PCCB: variants seen among roughly 807,000 people sequenced by gnomAD.
The protein encoded by PCCB is propionyl-CoA carboxylase subunit beta.
Under a neutral mutation model 60.7 loss-of-function variants are expected in PCCB, and 43 were observed. The observed-to-expected ratio is 0.71, with a 90% CI of 0.55 to 0.91. The LOEUF is 0.91. Ranked by LOEUF, PCCB falls within the 40% of genes least tolerant of loss-of-function variation. The pLI is 0.00. For synonymous variants in PCCB, 276 were observed against 255.9 expected, an observed-to-expected ratio of 1.08 and a Z score of -0.75; for missense variants, 766 against 702.8, an observed-to-expected ratio of 1.09 and a Z score of -1.02.
intron 9 of PCCB, among the ~76,000 whole-genome samples, chr3:136,313,002 T>G (rs1215487925): frequency 1.3e-5 from 2 of 152,192 alleles, no homozygotes; most frequent in African/African-American, 2.4e-5. Flanking sequence ...ATTTTCAACT[T>G]CATACATAAT....
At chr3:136,271,889 A>G (rs1187574508) in intron 5 of PCCB, among the ~76,000 whole-genome samples, 1 of 152,176 alleles carries the variant, frequency 6.6e-6, no homozygotes, top group African/African-American at 2.4e-5. Flanking sequence ...TAGGACTTCC[A>G]GTACTATGTT....
rs1560002366 is a variant in PCCB at position 136,268,087 on chromosome 3, GATA to G, written c.543+6023_543+6025del. ...GTGCGTGTGTGTGTGTGTGTGTGTA[GATA>G]TATATATATATATATATATATATAT... On this transcript the variant is annotated intron_variant, in intron 5 of 14. Transcript: ENST00000251654. Among the ~76,000 whole-genome samples the G allele has an allele frequency of 9.1e-3, 857 of 93,774 alleles. 11 individuals carry two copies. The highest frequency in any genetic ancestry group is 0.026 in the South Asian group (84 of 3,274). 61.5% of individuals were successfully genotyped at this position (93,774 alleles called of 152,430 possible).
rs565851635 is a variant in PCCB at position 136,284,955 on chromosome 3, G to A, written c.654+1008G>A. Among the ~76,000 whole-genome samples the A allele has an allele frequency of 3.3e-5, 5 of 152,050 alleles. No homozygotes were observed. The South Asian group carries it at 1.0e-3, about 32-fold the overall frequency. On this transcript the variant is annotated intron_variant, in intron 6 of 14. Coordinates refer to ENST00000251654, the MANE Select transcript of PCCB (RefSeq NM_000532.5). ...ATACAAAAATTAGCTGGGCGTGGTGGTGCATACCTGTGGTCCCAGCTACTT... is the reference window on the plus strand; with the variant it reads ...ATACAAAAATTAGCTGGGCGTGGTGATGCATACCTGTGGTCCCAGCTACTT...
At chr3:136,327,565 C>T (rs866884406) in intron 12 of PCCB, 69 bp from the exon 13 acceptor site, 1 of 1,212,794 alleles carries the variant, frequency 8.2e-7, no homozygotes, top group East Asian at 2.3e-5. Flanking sequence ...TACCTGGTTT[C>T]CTGGGGTCTT....
intron 9 of PCCB, among the ~76,000 whole-genome samples, chr3:136,310,243 A>G (rs1264983427): frequency 6.6e-6 from 1 of 152,104 alleles, no homozygotes; most frequent in Non-Finnish European, 1.5e-5. Flanking sequence ...CATGCCTGTA[A>G]TCCCCGCTAC....
At chr3:136,253,574 G>A (rs1046355359) in intron 1 of PCCB, among the ~76,000 whole-genome samples, 27 of 151,556 alleles carry the variant, frequency 1.8e-4, no homozygotes, top group African/African-American at 1.2e-4. Flanking sequence ...TAGTAGAGAC[G>A]GGGTTTCACC....
intron 10 of PCCB, among the ~76,000 whole-genome samples, chr3:136,320,073 TC>T (rs1935057301): frequency 6.6e-6 from 1 of 152,242 alleles, no homozygotes; most frequent in East Asian, 1.9e-4. Context: ...CTGTCCATAT[TC>T]CAGTGTCACA....
At chr3:136,261,239 A>G (rs988507665) in intron 4 of PCCB, among the ~76,000 whole-genome samples, 13 of 152,228 alleles carry the variant, frequency 8.5e-5, no homozygotes, top group African/African-American at 1.2e-4. Flanking sequence ...CTGGAGAGGA[A>G]TAAAACTATA....
At position 136,330,046 on chromosome 3, in the gene PCCB, A is replaced by T; in HGVS notation, c.*20A>T. The stretch of plus-strand genomic sequence containing the variant: ...TTGTAAACAAATCAAAGGAAAAGAA[A>T]CCAAGAACTGAATTACTGTCTGCCC... On this transcript the variant is annotated 3_prime_UTR_variant, in exon 15 of 15. Coordinates refer to ENST00000251654, the MANE Select transcript of PCCB (RefSeq NM_000532.5). 6.2e-7 allele frequency: 1 copy of T among 1,613,956 alleles called. No individual in the cohort carries two copies. Among genetic ancestry groups the T allele is most frequent in the Middle Eastern group, 1.7e-4 (1 of 6,060 alleles).
chr3:136,321,932 AAGAC>A (rs755780842), intron 10 of PCCB, among the ~76,000 whole-genome samples: 5 of 152,216 alleles, frequency 3.3e-5, no homozygotes, highest in East Asian at 3.8e-4. Flanking sequence ...TCTGTGAACA[AAGAC>A]AGTTTGATTT....
chr3:136,313,617 T>C lies in PCCB; in HGVS notation c.967-3324T>C, dbSNP rs562601121. 2.0e-5 allele frequency among the ~76,000 whole-genome samples: 3 copies of C among 152,258 alleles called. No individual in the cohort carries two copies. In the South Asian group the frequency reaches 6.2e-4, roughly 32 times the overall value. On this transcript the variant is annotated intron_variant, in intron 9 of 14. Coordinates refer to ENST00000251654, the MANE Select transcript of PCCB (RefSeq NM_000532.5). The stretch of plus-strand genomic sequence containing the variant: ...TGGAAGGGATGGGGAAGGAACACTA[T>C]TAAACTGTATTAGTATTTTACATAT...
At chr3:136,301,991 G>A (rs1408393165) in intron 9 of PCCB, among the ~76,000 whole-genome samples, 3 of 152,198 alleles carry the variant, frequency 2.0e-5, no homozygotes, top group Admixed American at 2.0e-4. Context: ...GTAAAAAGAT[G>A]TCAGCCCTTT....
At chr3:136,299,849 T>C (rs988251711) in intron 8 of PCCB, among the ~76,000 whole-genome samples, 1 of 150,328 alleles carries the variant, frequency 6.7e-6, no homozygotes, top group African/African-American at 2.5e-5. Context: ...TGTATGTATA[T>C]GCATGCATAT....
intron 9 of PCCB, among the ~76,000 whole-genome samples, chr3:136,308,707 A>C (rs556788): frequency 6.6e-6 from 1 of 152,150 alleles, no homozygotes; most frequent in Admixed American, 6.5e-5. Context: ...AGAAAACATC[A>C]TTAAATCCCA....
intron 5 of PCCB, among the ~76,000 whole-genome samples, chr3:136,268,088 A>G (rs1339718830): frequency 0.065 from 485 of 7,448 alleles, 15 homozygotes; most frequent in Middle Eastern, 0.27. Flanking sequence ...GTGTGTGTAG[A>G]TATATATATA....
At chr3:136,251,817 T>A (rs1263057038) in intron 1 of PCCB, among the ~76,000 whole-genome samples, 1 of 152,130 alleles carries the variant, frequency 6.6e-6, no homozygotes, top group Non-Finnish European at 1.5e-5. Flanking sequence ...CAGAAGCTGT[T>A]TTTCTTTTGC....
At chr3:136,301,697 C>G (rs1934289075) in intron 9 of PCCB, among the ~76,000 whole-genome samples, 1 of 152,138 alleles carries the variant, frequency 6.6e-6, no homozygotes, top group African/African-American at 2.4e-5. Flanking sequence ...TTGTGCAACA[C>G]ATCGTGATGG....
chr3:136,301,197 C>G, intron 9 of PCCB, 86 bp downstream of exon 9: 1 of 1,046,464 alleles, frequency 9.6e-7, no homozygotes, highest in Non-Finnish European at 1.5e-6. Flanking sequence ...AAGCACTGGA[C>G]CACTTGGCCT....
In PCCB at chr3:136,264,839, C is replaced by T. The variant is rs184998281; in HGVS notation, c.543+2774C>T. Among the ~76,000 whole-genome samples, 161 of 140,036 alleles carry T rather than the reference C, an allele frequency of 1.1e-3. 1 individual carries two copies. The highest frequency in any genetic ancestry group is 4.0e-3 in the African/African-American group (152 of 37,830). 91.9% of individuals were successfully genotyped at this position (140,036 alleles called of 152,430 possible). A position where few individuals can be genotyped will look rare whatever the true frequency, so the allele number is the denominator to read the frequency against. On this transcript the variant is annotated intron_variant, in intron 5 of 14. Coordinates refer to ENST00000251654, the MANE Select transcript of PCCB (RefSeq NM_000532.5). Reference sequence around the variant, plus strand: ...GCAGTCAGCCAAGATTGCGCCACCGCGCTCTAGCCTGGGCGACAGAGCAAG... The same window carrying T: ...GCAGTCAGCCAAGATTGCGCCACCGTGCTCTAGCCTGGGCGACAGAGCAAG...
Sources: allele counts gnomAD v4.1 joint callset (sites outside exome capture counted in the v4.1 genomes callset), GRCh38; gene constraint gnomAD v4.1.1; transcripts MANE v1.5; gene names NCBI Gene and HGNC (gene_info 2026-07-23, HGNC 2026-07-21).